KMT2E: variants seen among roughly 807,000 people sequenced by gnomAD.
KMT2E encodes lysine methyltransferase 2E (inactive), also known as histone reader KMT2E.
Under a neutral mutation model 184.6 loss-of-function variants are expected in KMT2E, and 30 were observed. The observed-to-expected ratio is 0.16, with a 90% CI of 0.12 to 0.22. The LOEUF is 0.22. KMT2E is among the 10% of genes least tolerant of loss of function. The pLI is 1.00. For missense variants in KMT2E, 2,023 were observed against 2,237.4 expected, an observed-to-expected ratio of 0.90 and a Z score of 1.93; for synonymous variants, 815 against 776.5, an observed-to-expected ratio of 1.05 and a Z score of -0.82.
intron 6 of KMT2E, among the ~76,000 whole-genome samples, chr7:105,068,480 A>T (rs956346594): frequency 1.3e-5 from 2 of 150,946 alleles, no homozygotes; most frequent in East Asian, 3.9e-4. Context: ...TTAAGACAGG[A>T]TCTCACATTG....
chr7:105,063,305 G>T (rs780097444), intron 4 of KMT2E, 46 bp from the exon 5 acceptor site: 4 of 1,338,982 alleles, frequency 3.0e-6, no homozygotes, highest in Non-Finnish European at 4.1e-6. Flanking sequence ...TTATATCATT[G>T]TTGAAATTAA....
rs765926175 is a variant in KMT2E, at chr7:105,070,061, TTTC to T, written c.497+3257_497+3259del. Among the ~76,000 whole-genome samples the T allele has an allele frequency of 5.6e-4, 85 of 152,302 alleles. 1 individual carries two copies. The highest frequency in any genetic ancestry group is 1.1e-3 in the Non-Finnish European group (74 of 68,020). On this transcript the variant is annotated intron_variant, in intron 6 of 26. Coordinates refer to ENST00000311117, the MANE Select transcript of KMT2E (RefSeq NM_182931.3). ...ATTTCATGGTATATATGTACCATAG[TTTC>T]TTTAACCTATTCACCCATTGAAGAC...
At chr7:105,042,300 G>A (rs1795915339) in intron 3 of KMT2E, among the ~76,000 whole-genome samples, 1 of 152,136 alleles carries the variant, frequency 6.6e-6, no homozygotes, top group South Asian at 2.1e-4. Context: ...CATGTTTACA[G>A]CTGTTCTTAG....
chr7:105,105,430 T>C lies in KMT2E; in HGVS notation c.2197-9T>C. The C allele has an allele frequency of 1.3e-6, 2 of 1,558,546 alleles. No individual in the cohort carries two copies. Among genetic ancestry groups the C allele is most frequent in the Non-Finnish European group, 1.7e-6 (2 of 1,157,932 alleles). On this transcript the variant is annotated splice_polypyrimidine_tract_variant and intron_variant, in intron 17 of 26. Coordinates refer to ENST00000311117, the MANE Select transcript of KMT2E (RefSeq NM_182931.3). ...ATATATAATGATCCAATTTTTTTCT[T>C]TTCTCTAGCACTTGGTTAATGAATG...
Position 105,059,978 on chromosome 7 carries a change from G to GTTTTTTTTTTTTTTTTTTTT in KMT2E, c.72-2172_72-2153dup, listed in dbSNP as rs67291226. ...GCTGAATATTGATTTTCTTGTTGTT[G>GTTTTTTTTTTTTTTTTTTTT]TTTTTTTTTTTTTTTTTTTTTTTTT... On this transcript the variant is annotated intron_variant, in intron 3 of 26. Transcript: ENST00000311117. Among the ~76,000 whole-genome samples the GTTTTTTTTTTTTTTTTTTTT allele has an allele frequency of 6.2e-4, 32 of 51,796 alleles. 9 individuals carry two copies. Among genetic ancestry groups the GTTTTTTTTTTTTTTTTTTTT allele is most frequent in the South Asian group, 3.2e-3 (3 of 952 alleles). 34.0% of individuals were successfully genotyped at this position (51,796 alleles called of 152,430 possible). A position where few individuals can be genotyped will look rare whatever the true frequency, so the allele number is the denominator to read the frequency against.
At chr7:105,108,712 A>T (rs1233019294) in intron 22 of KMT2E, 1 of 501,108 alleles carries the variant, frequency 2.0e-6, no homozygotes, top group African/African-American at 1.9e-5. Context: ...TAATATACCT[A>T]TTTCATAGGG....
In KMT2E at chr7:105,113,959, G is replaced by T. The variant is rs1262022499; in HGVS notation, c.*626G>T. The stretch of plus-strand genomic sequence containing the variant: ...TATGACAAGTCTTTTGCAAAACTGT[G>T]TGATCTTTGTGAAAGTAGTACAGTA... On this transcript the variant is annotated 3_prime_UTR_variant, in exon 27 of 27. Transcript: ENST00000311117. The T allele has an allele frequency of 1.3e-5, 2 of 153,042 alleles. No individual in the cohort carries two copies. Among genetic ancestry groups the T allele is most frequent in the East Asian group, 3.8e-4 (2 of 5,200 alleles). 9.5% of individuals were successfully genotyped at this position (153,042 alleles called of 1,614,324 possible).
chr7:105,098,572 TTTG>T (rs1798521156), intron 15 of KMT2E, among the ~76,000 whole-genome samples: 1 of 152,122 alleles, frequency 6.6e-6, no homozygotes, highest in South Asian at 2.1e-4. Flanking sequence ...CTGGCTAATT[TTTG>T]TTTTTTTAGT....
intron 14 of KMT2E, among the ~76,000 whole-genome samples, 180 bp from the exon 15 acceptor site, chr7:105,091,036 G>T (rs1562921357): frequency 6.6e-6 from 1 of 152,130 alleles, no homozygotes; most frequent in Non-Finnish European, 1.5e-5. Flanking sequence ...GAAAGTATTT[G>T]ATTGCATAAT....
chr7:105,027,602 A>G (rs909709472), intron 1 of KMT2E, among the ~76,000 whole-genome samples: 4 of 152,280 alleles, frequency 2.6e-5, no homozygotes, highest in East Asian at 1.9e-4. Flanking sequence ...TTTTGTGTGT[A>G]AAGTGCACAG....
intron 12 of KMT2E, 125 bp downstream of exon 12, chr7:105,079,088 C>CCCAG (rs573468420): frequency 2.2e-4 from 122 of 545,260 alleles, no homozygotes; most frequent in Non-Finnish European, 3.4e-4. Flanking sequence ...TTTTATACTG[C>CCCAG]CCAGCCTGTT....
chr7:105,081,196 A>G (rs1797751776), intron 12 of KMT2E, among the ~76,000 whole-genome samples: 1 of 151,968 alleles, frequency 6.6e-6, no homozygotes, highest in South Asian at 2.1e-4. Context: ...CCTGGCTAAC[A>G]CTGTGAAAAC....
chr7:105,088,031 G>T (rs1430695492), intron 13 of KMT2E, among the ~76,000 whole-genome samples: 6 of 151,964 alleles, frequency 3.9e-5, no homozygotes, highest in African/African-American at 1.5e-4. Context: ...ATTGCAGTCA[G>T]ATTTATCATA....
intron 3 of KMT2E, among the ~76,000 whole-genome samples, chr7:105,052,725 ATT>A (rs77486037): frequency 6.8e-6 from 1 of 147,822 alleles, no homozygotes. Flanking sequence ...CACCCAGCTA[ATT>A]TTTTTTTTTA....
rs140223395 is a variant in KMT2E at position 105,045,644 on chromosome 7, A to G, written c.71+4621A>G. 2.5e-3 allele frequency among the ~76,000 whole-genome samples: 375 copies of G among 152,358 alleles called. 2 individuals carry two copies. Among genetic ancestry groups the G allele is most frequent in the African/African-American group, 8.7e-3 (362 of 41,588 alleles). ...GAATTCCATTCCTTTTTATGGCTGAATAATAGTCCATTGTATAGATGTACT... is the reference window on the plus strand; with the variant it reads ...GAATTCCATTCCTTTTTATGGCTGAGTAATAGTCCATTGTATAGATGTACT... On this transcript the variant is annotated intron_variant, in intron 3 of 26. Coordinates refer to ENST00000311117, the MANE Select transcript of KMT2E (RefSeq NM_182931.3).
chr7:105,072,638 A>G (rs1158303089), intron 6 of KMT2E, among the ~76,000 whole-genome samples: 1 of 152,140 alleles, frequency 6.6e-6, no homozygotes, highest in African/African-American at 2.4e-5. Context: ...ATTTCACTTA[A>G]CTGTTAAATG....
At chr7:105,071,737 G>A (rs563869684) in intron 6 of KMT2E, among the ~76,000 whole-genome samples, 50 of 148,426 alleles carry the variant, frequency 3.4e-4, no homozygotes, top group African/African-American at 1.2e-3. Context: ...GATTACAGGC[G>A]TGGGCCACCA....
intron 15 of KMT2E, among the ~76,000 whole-genome samples, chr7:105,099,727 G>T (rs1240133369): frequency 6.6e-6 from 1 of 152,074 alleles, no homozygotes; most frequent in East Asian, 1.9e-4. Flanking sequence ...TTTTTGCCAA[G>T]ACAAGTTTGT....
intron 15 of KMT2E, among the ~76,000 whole-genome samples, chr7:105,098,950 A>C (rs1798537749): frequency 6.6e-6 from 1 of 152,210 alleles, no homozygotes; most frequent in Non-Finnish European, 1.5e-5. Context: ...CTCCAGAGTC[A>C]GCTCTAACTA....
Sources: gnomAD v4.1 joint callset for allele counts (sites outside exome capture counted in the v4.1 genomes callset) on GRCh38, gnomAD v4.1.1 for gene constraint, MANE v1.5 for transcripts, NCBI Gene and HGNC (gene_info 2026-07-23, HGNC 2026-07-21) for gene names.